The following DACH2 variants were observed in gnomAD, a reference collection of about 807,000 sequenced individuals.
DACH2 encodes dachshund homolog 2.
A neutral mutation model predicts 35.8 loss-of-function variants in DACH2; 17 were observed. The ratio of observed to expected loss-of-function variants is 0.48; its 90% CI spans 0.33 to 0.71. DACH2 has a LOEUF of 0.71. Ranked by LOEUF, DACH2 falls within the 30% of genes least tolerant of loss-of-function variation. DACH2 has a pLI of 0.02. For missense variants in DACH2, 469 were observed against 472.7 expected (o/e 0.99, Z 0.07); for synonymous variants, 195 against 177.3 (o/e 1.10, Z -0.79).
intron 3 of DACH2, among the ~76,000 whole-genome samples, chrX:86,620,721 G>T (rs1002726188): frequency 1.8e-5 from 2 of 109,977 alleles, no homozygotes; most frequent in African/African-American, 6.6e-5. Flanking sequence ...AGGGCTGAGA[G>T]CTGGGGACTG....
chrX:86,785,657 G>A (rs1399561409), intron 7 of DACH2, among the ~76,000 whole-genome samples: 1 of 111,631 alleles, frequency 9.0e-6, no homozygotes, highest in African/African-American at 3.3e-5. Context: ...AAGAGGAGTG[G>A]TGTGGTAGTC....
At chrX:86,775,733 A>G (rs1243934502) in intron 7 of DACH2, among the ~76,000 whole-genome samples, 3 of 112,095 alleles carry the variant, frequency 2.7e-5, no homozygotes, top group Non-Finnish European at 5.6e-5. Flanking sequence ...TCTACCAGGG[A>G]AGTGTTGTAT....
chrX:86,796,273 C>T (rs765505533), intron 7 of DACH2, among the ~76,000 whole-genome samples: 6 of 111,348 alleles, frequency 5.4e-5, no homozygotes, highest in African/African-American at 9.8e-5. Context: ...AGACACAAAG[C>T]GCTGATTGGT....
chrX:86,254,807 T>TATATATATATATAGAG (rs1380613474), intron 1 of DACH2, among the ~76,000 whole-genome samples: 17 of 49,634 alleles, frequency 3.4e-4, no homozygotes, highest in African/African-American at 9.4e-4. Context: ...TATATATATA[T>TATATATATATATAGAG]AGAGAGAGAG....
At chrX:86,208,927 C>T (rs1024132895) in intron 1 of DACH2, among the ~76,000 whole-genome samples, 17 of 111,189 alleles carry the variant, frequency 1.5e-4, no homozygotes, top group African/African-American at 4.6e-4. Context: ...AGTGCAGGAA[C>T]GCAGAATGCT....
At chrX:86,759,238 T>C (rs745397309) in intron 7 of DACH2, among the ~76,000 whole-genome samples, 175 of 112,160 alleles carry the variant, frequency 1.6e-3, no homozygotes, top group Non-Finnish European at 2.8e-3. Context: ...TCTTATTGTA[T>C]TGAAGACTAT....
At chrX:86,600,449 T>A (rs560162044) in intron 3 of DACH2, among the ~76,000 whole-genome samples, 3 of 112,128 alleles carry the variant, frequency 2.7e-5, no homozygotes, top group African/African-American at 9.7e-5. Context: ...TGATAGTTTT[T>A]CTTTCTCAGT....
chrX:86,384,945 T>C (rs772954864), intron 2 of DACH2, among the ~76,000 whole-genome samples: 3 of 111,852 alleles, frequency 2.7e-5, no homozygotes, highest in South Asian at 7.3e-4. Context: ...TGTGAACTGA[T>C]TTATCATTAT....
At chrX:86,830,228 G>T (rs2042599742) in intron 11 of DACH2, 1 of 111,664 alleles carries the variant, frequency 9.0e-6, no homozygotes, top group Non-Finnish European at 1.9e-5. Context: ...TTGCTCCAAG[G>T]ATCAGTGTCA....
intron 1 of DACH2, among the ~76,000 whole-genome samples, chrX:86,300,537 G>T (rs1418487071): frequency 9.3e-6 from 1 of 108,092 alleles, no homozygotes; most frequent in Non-Finnish European, 1.9e-5. Flanking sequence ...TTGTGGGGTG[G>T]GGGAAGGGAG....
At chrX:86,637,366 A>C (rs1712564569) in intron 3 of DACH2, among the ~76,000 whole-genome samples, 2 of 109,397 alleles carry the variant, frequency 1.8e-5, no homozygotes, top group African/African-American at 6.6e-5. Flanking sequence ...AAAAAAATAT[A>C]CTATTCAACT....
At chrX:86,250,138 C>T in intron 1 of DACH2, among the ~76,000 whole-genome samples, 1 of 111,291 alleles carries the variant, frequency 9.0e-6, no homozygotes, top group East Asian at 2.8e-4. Context: ...AATCTGTACA[C>T]CAAACCCCTG....
At chrX:86,768,297 A>G (rs1378182647) in intron 7 of DACH2, among the ~76,000 whole-genome samples, 1 of 111,668 alleles carries the variant, frequency 9.0e-6, no homozygotes, top group African/African-American at 3.3e-5. Context: ...ATAATTCACA[A>G]TCAAAAGAAT....
rs189723886 is a variant in DACH2 at position 86,346,545 on chromosome X, C to A, written c.489-30279C>A. ...TACCATTTTCATCTTAAGATAAAAC[C>A]CCAAAAAACAAAACAGCTGACTTGA... is the stretch of plus-strand genomic sequence containing the variant. On this transcript the variant is annotated intron_variant, in intron 1 of 11. Transcript: ENST00000373125. 3.2e-4 allele frequency among the ~76,000 whole-genome samples: 35 copies of A among 110,728 alleles called. No homozygotes were observed. The East Asian group carries it at 4.0e-3, about 13-fold the overall frequency.
rs746978415 is a variant in DACH2, at chrX:86,297,865, C to T, written c.489-78959C>T. On this transcript the variant is annotated intron_variant, in intron 1 of 11. Transcript: ENST00000373125. ...GAACACTTTTGAAAGTGAAAGTGAC[C>T]GCTATTAATAATTACATCACAACAA... 6.3e-5 allele frequency among the ~76,000 whole-genome samples: 7 copies of T among 111,392 alleles called. No homozygotes were observed. The South Asian group carries it at 1.9e-3, about 30-fold the overall frequency.
intron 3 of DACH2, among the ~76,000 whole-genome samples, chrX:86,639,395 A>C (rs988879233): frequency 4.5e-5 from 5 of 111,599 alleles, no homozygotes; most frequent in Non-Finnish European, 9.4e-5. Context: ...TCAGTCTGAC[A>C]GACAGAGCTA....
At chrX:86,329,885 T>C (rs1013381888) in intron 1 of DACH2, among the ~76,000 whole-genome samples, 121 of 111,971 alleles carry the variant, frequency 1.1e-3, no homozygotes, top group Non-Finnish European at 5.6e-4. Flanking sequence ...GTGTTGTTGA[T>C]GTGGGATTCC....
chrX:86,607,648 G>A (rs1236640567), intron 3 of DACH2, among the ~76,000 whole-genome samples: 2 of 107,608 alleles, frequency 1.9e-5, no homozygotes, highest in Non-Finnish European at 3.8e-5. Flanking sequence ...CAATGTGCAG[G>A]TTAGTTACAT....
chrX:86,716,049 A>C (rs1368725070), intron 6 of DACH2, among the ~76,000 whole-genome samples: 2 of 111,931 alleles, frequency 1.8e-5, no homozygotes, highest in Non-Finnish European at 3.8e-5. Flanking sequence ...TCATTTTTAT[A>C]AAGCTTCATC....
Sources: allele counts gnomAD v4.1 joint callset (sites outside exome capture counted in the v4.1 genomes callset), GRCh38; gene constraint gnomAD v4.1.1; transcripts MANE v1.5; gene names NCBI Gene and HGNC (gene_info 2026-07-23, HGNC 2026-07-21).